Variants in AFG2A observed in about 807,000 individuals in gnomAD.
AFG2A encodes the protein ATPase family gene 2 protein homolog A.
the AFG2A span, among the ~76,000 whole-genome samples, chr4:123,289,680 T>C: frequency 1.5e-4 from 23 of 152,258 alleles, no homozygotes; most frequent in African/African-American, 5.1e-4. Context: ...ACATCTGTTG[T>C]TTTTCTGTTT....
chr4:123,065,861 G>A, the AFG2A span, among the ~76,000 whole-genome samples: 1 of 152,078 alleles, frequency 6.6e-6, no homozygotes, highest in Non-Finnish European at 1.5e-5. Context: ...TTGTTTAGGA[G>A]ATAGGGAAAT....
At chr4:122,937,306 C>T in the AFG2A span, among the ~76,000 whole-genome samples, 1 of 152,166 alleles carries the variant, frequency 6.6e-6, no homozygotes, top group South Asian at 2.1e-4. Context: ...CCCCTGTAGC[C>T]TCCCAAGTAG....
the AFG2A span, among the ~76,000 whole-genome samples, chr4:123,220,392 A>G: frequency 2.0e-5 from 3 of 151,766 alleles, no homozygotes; most frequent in African/African-American, 7.3e-5. Context: ...TGGACGCATC[A>G]CAAGATCAGG....
chr4:123,310,951 G>C, the AFG2A span, among the ~76,000 whole-genome samples: 2 of 152,164 alleles, frequency 1.3e-5, no homozygotes, highest in African/African-American at 4.8e-5. Flanking sequence ...ACAGACAGCT[G>C]CACTCCTTCC....
the AFG2A span, among the ~76,000 whole-genome samples, chr4:123,158,224 A>G: frequency 4.0e-3 from 603 of 152,326 alleles, 5 homozygotes; most frequent in African/African-American, 0.013. Context: ...ACTTGTTCCA[A>G]ATTACTTTTG....
the AFG2A span, among the ~76,000 whole-genome samples, chr4:122,936,667 G>A: frequency 6.6e-6 from 1 of 151,776 alleles, no homozygotes; most frequent in African/African-American, 2.4e-5. Flanking sequence ...CAACATAGTG[G>A]GACCCTGTCT....
At chr4:123,138,844 A>AT in the AFG2A span, among the ~76,000 whole-genome samples, 1 of 152,012 alleles carries the variant, frequency 6.6e-6, no homozygotes. Flanking sequence ...TAAGATTTAC[A>AT]TTTTTTCTTA....
the AFG2A span, among the ~76,000 whole-genome samples, chr4:123,189,294 C>A: frequency 6.6e-6 from 1 of 152,048 alleles, no homozygotes; most frequent in African/African-American, 2.4e-5. Context: ...ATGTTTTGTT[C>A]ATTCTTTATC....
chr4:122,953,899 G>A, the AFG2A span, among the ~76,000 whole-genome samples: 1,837 of 152,302 alleles, frequency 0.012, 42 homozygotes, highest in African/African-American at 0.041. Flanking sequence ...TCCTACTAGG[G>A]GGCTCTGGGT....
the AFG2A span, among the ~76,000 whole-genome samples, chr4:122,965,815 T>A: frequency 6.6e-6 from 1 of 152,218 alleles, no homozygotes; most frequent in Non-Finnish European, 1.5e-5. Context: ...TTTAAAAATT[T>A]AATCTTTCAT....
At chr4:123,151,144 T>A in the AFG2A span, among the ~76,000 whole-genome samples, 1 of 152,148 alleles carries the variant, frequency 6.6e-6, no homozygotes, top group South Asian at 2.1e-4. Context: ...GACTTAAACA[T>A]AAGACCTAAA....
At chr4:123,252,232 G>A in the AFG2A span, among the ~76,000 whole-genome samples, 1 of 152,134 alleles carries the variant, frequency 6.6e-6, no homozygotes, top group South Asian at 2.1e-4. Context: ...ATTCACTCGA[G>A]TATTTTATAA....
At chr4:123,288,751 G>A in the AFG2A span, among the ~76,000 whole-genome samples, 12 of 152,244 alleles carry the variant, frequency 7.9e-5, no homozygotes, top group East Asian at 1.9e-3. Flanking sequence ...AAGGACTGGA[G>A]GACTGATGTG....
the AFG2A span, among the ~76,000 whole-genome samples, chr4:123,124,061 A>G: frequency 6.6e-6 from 1 of 151,862 alleles, no homozygotes; most frequent in Non-Finnish European, 1.5e-5. Flanking sequence ...TAGTTCAACC[A>G]TTGTGGAAGA....
chr4:123,307,793 T>C, the AFG2A span, among the ~76,000 whole-genome samples: 1 of 152,228 alleles, frequency 6.6e-6, no homozygotes, highest in Non-Finnish European at 1.5e-5. Flanking sequence ...CTTTTCTATG[T>C]TTAGATACAC....
chr4:123,048,632 A>G, the AFG2A span, among the ~76,000 whole-genome samples: 2 of 152,070 alleles, frequency 1.3e-5, no homozygotes, highest in Non-Finnish European at 1.5e-5. Context: ...TTTTGAAGTT[A>G]TTGTAAGTGG....
the AFG2A span, among the ~76,000 whole-genome samples, chr4:123,060,164 T>C: frequency 2.0e-5 from 3 of 152,230 alleles, no homozygotes; most frequent in African/African-American, 7.2e-5. Flanking sequence ...CTCTGGCTGC[T>C]TTCACAGGCT....
the AFG2A span, among the ~76,000 whole-genome samples, chr4:123,088,713 C>T: frequency 1.3e-5 from 2 of 152,070 alleles, no homozygotes; most frequent in Admixed American, 6.5e-5. Context: ...CTTCCCCCTT[C>T]GTGCTCTCTC....
At chr4:123,288,912 C>T in the AFG2A span, among the ~76,000 whole-genome samples, 5 of 152,158 alleles carry the variant, frequency 3.3e-5, no homozygotes, top group Non-Finnish European at 5.9e-5. Context: ...CTAATCAGGC[C>T]TCATTGGTCC....
Sources: allele counts gnomAD v4.1 joint callset (sites outside exome capture counted in the v4.1 genomes callset), GRCh38; gene constraint gnomAD v4.1.1; transcripts MANE v1.5; gene names NCBI Gene and HGNC (gene_info 2026-07-23, HGNC 2026-07-21).